NEDD4L: variants seen among roughly 807,000 people sequenced by gnomAD.
NEDD4L encodes the protein NEDD4 like E3 ubiquitin protein ligase, also known as E3 ubiquitin-protein ligase NEDD4-like.
A neutral mutation model predicts 148.9 loss-of-function variants in NEDD4L; 54 were observed. The ratio of observed to expected loss-of-function variants is 0.36; its 90% CI spans 0.29 to 0.45. The LOEUF is 0.45. Ranked by LOEUF, NEDD4L falls within the 20% of genes least tolerant of loss-of-function variation. NEDD4L has a pLI of 1.00. For missense variants in NEDD4L, 856 were observed against 1,233.8 expected, an observed-to-expected ratio of 0.69 and a Z score of 4.59; for synonymous variants, 433 against 440.7, an observed-to-expected ratio of 0.98 and a Z score of 0.22.
At chr18:58,126,446 G>C (rs2031115515) in intron 1 of NEDD4L, among the ~76,000 whole-genome samples, 1 of 149,820 alleles carries the variant, frequency 6.7e-6, no homozygotes, top group South Asian at 2.1e-4. Flanking sequence ...CATCCCGTGT[G>C]ATAGCATGCA....
chr18:58,133,016 C>G (rs2032368174), intron 1 of NEDD4L, among the ~76,000 whole-genome samples: 1 of 152,114 alleles, frequency 6.6e-6, no homozygotes, highest in Non-Finnish European at 1.5e-5. Context: ...GATGGAGAGG[C>G]CACTTTTCTC....
At position 58,401,132 on chromosome 18, in the gene NEDD4L, C is replaced by T. The variant is rs915510468; in HGVS notation, c.*4863C>T. ...ATTCAGGATCTATCATCAAATGAAA[C>T]ATGAAAAAAACAGTGACTTTTAAGG... On this transcript the variant is annotated 3_prime_UTR_variant, in exon 31 of 31. Transcript: ENST00000400345. 6.6e-6 allele frequency: 1 copy of T among 151,944 alleles called. No homozygotes were observed. The highest frequency in any genetic ancestry group is 1.5e-5 in the Non-Finnish European group (1 of 67,978). The allele number at this position is 151,944 out of a possible 1,614,324, so 9.4% of individuals were successfully genotyped here.
intron 5 of NEDD4L, among the ~76,000 whole-genome samples, chr18:58,282,149 C>CT (rs1275288747): frequency 4.0e-5 from 6 of 151,236 alleles, no homozygotes; most frequent in African/African-American, 1.5e-4. Flanking sequence ...AAAGGTCTCT[C>CT]TGAGTTTCAC....
At chr18:58,268,289 C>T (rs905046678) in intron 5 of NEDD4L, among the ~76,000 whole-genome samples, 4 of 151,644 alleles carry the variant, frequency 2.6e-5, no homozygotes, top group African/African-American at 7.3e-5. Context: ...GTAGATGAAA[C>T]CTCCTAGGTA....
intron 30 of NEDD4L, 58 bp downstream of exon 30, chr18:58,391,617 G>A: frequency 8.1e-7 from 1 of 1,231,316 alleles, no homozygotes; most frequent in Admixed American, 2.0e-5. Flanking sequence ...AGCTGGGTAT[G>A]GTGCTGGGCT....
chr18:58,168,284 T>A (rs1424866305), intron 2 of NEDD4L, among the ~76,000 whole-genome samples: 15 of 152,216 alleles, frequency 9.9e-5, no homozygotes, highest in Admixed American at 7.9e-4. Flanking sequence ...CCAGTGGGTC[T>A]GAGATGCAAG....
chr18:58,133,343 C>T (rs2032413443), intron 1 of NEDD4L, among the ~76,000 whole-genome samples: 1 of 152,208 alleles, frequency 6.6e-6, no homozygotes, highest in South Asian at 2.1e-4. Flanking sequence ...ATACAGGGCT[C>T]TCTGTAGCCC....
At chr18:58,206,621 C>T (rs1482559157) in intron 2 of NEDD4L, among the ~76,000 whole-genome samples, 1 of 152,092 alleles carries the variant, frequency 6.6e-6, no homozygotes, top group East Asian at 1.9e-4. Context: ...GACATGGTAA[C>T]GTATGCATAG....
intron 13 of NEDD4L, among the ~76,000 whole-genome samples, chr18:58,337,056 G>A (rs1002370312): frequency 2.0e-5 from 3 of 152,126 alleles, no homozygotes; most frequent in Non-Finnish European, 2.9e-5. Context: ...AGTAGGAATG[G>A]AATCATTGCA....
intron 26 of NEDD4L, 81 bp from the exon 27 acceptor site, chr18:58,387,358 C>T: frequency 7.0e-7 from 1 of 1,434,896 alleles, no homozygotes; most frequent in Non-Finnish European, 9.2e-7. Context: ...TTCTGGCTAA[C>T]CAGAAAAGTT....
rs76514274 is a variant in NEDD4L at position 58,240,490 on chromosome 18, C to T, written c.123-4937C>T. On this transcript the variant is annotated intron_variant, in intron 2 of 30. Coordinates refer to ENST00000400345, the MANE Select transcript of NEDD4L (RefSeq NM_001144967.3). ...CAAATGCATCATTATGAACATGGAGCAGAAGATTCTAGGGCCCCGTGTGTA... is the reference window on the plus strand; with the variant it reads ...CAAATGCATCATTATGAACATGGAGTAGAAGATTCTAGGGCCCCGTGTGTA... Among the ~76,000 whole-genome samples the T allele has an allele frequency of 2.9e-3, 441 of 152,266 alleles. 1 individual carries two copies. The highest frequency in any genetic ancestry group is 5.2e-3 in the Non-Finnish European group (353 of 68,030).
intron 2 of NEDD4L, among the ~76,000 whole-genome samples, chr18:58,185,001 C>T (rs2039305980): frequency 6.6e-6 from 1 of 152,154 alleles, no homozygotes; most frequent in Non-Finnish European, 1.5e-5. Flanking sequence ...AGGACCTAAC[C>T]CTGCGAGGGA....
intron 2 of NEDD4L, among the ~76,000 whole-genome samples, chr18:58,234,515 C>G (rs918594104): frequency 6.6e-6 from 1 of 151,646 alleles, no homozygotes. Flanking sequence ...AAAAAAAAAT[C>G]GTAGAGATAG....
intron 1 of NEDD4L, among the ~76,000 whole-genome samples, chr18:58,053,741 A>G (rs1264016801): frequency 2.0e-5 from 3 of 152,230 alleles, no homozygotes; most frequent in Non-Finnish European, 4.4e-5. Context: ...TGGAATTCCC[A>G]TTGTGGGTAA....
At chr18:58,196,979 T>C (rs1273153798) in intron 2 of NEDD4L, among the ~76,000 whole-genome samples, 1 of 152,122 alleles carries the variant, frequency 6.6e-6, no homozygotes, top group Non-Finnish European at 1.5e-5. Flanking sequence ...ACTTGAAGCA[T>C]GTCAGAAAGA....
At chr18:58,349,509 T>C in intron 16 of NEDD4L, 28 bp from the exon 17 acceptor site, 1 of 1,585,180 alleles carries the variant, frequency 6.3e-7, no homozygotes, top group Non-Finnish European at 8.7e-7. Context: ...CCACTTAGCA[T>C]CTACTGTCTT....
At chr18:58,069,159 A>T (rs902306840) in intron 1 of NEDD4L, among the ~76,000 whole-genome samples, 16 of 148,550 alleles carry the variant, frequency 1.1e-4, no homozygotes, top group African/African-American at 3.6e-4. Flanking sequence ...AAAAAAAAAA[A>T]TAGGAAAGAA....
intron 2 of NEDD4L, among the ~76,000 whole-genome samples, chr18:58,181,097 C>T (rs1409732279): frequency 1.3e-5 from 2 of 152,216 alleles, no homozygotes; most frequent in African/African-American, 4.8e-5. Context: ...GACACTTATG[C>T]AGAGGAGAGA....
chr18:58,045,415 T>A (rs1312517250), intron 1 of NEDD4L: 1 of 345,260 alleles, frequency 2.9e-6, no homozygotes, highest in Non-Finnish European at 5.2e-6. Flanking sequence ...CCAGGGTGGG[T>A]GGGGAGAGGA....
Sources: allele counts gnomAD v4.1 joint callset (sites outside exome capture counted in the v4.1 genomes callset), GRCh38; gene constraint gnomAD v4.1.1; transcripts MANE v1.5; gene names NCBI Gene and HGNC (gene_info 2026-07-23, HGNC 2026-07-21).